The following ATG5 variants were observed in gnomAD, a reference collection of about 807,000 sequenced individuals.
ATG5 encodes the protein autophagy protein 5.
In ATG5, 14 loss-of-function variants were observed where a neutral mutation model predicts 36.5. The observed-to-expected ratio is 0.38, with a 90% CI of 0.25 to 0.60. The LOEUF is 0.60. ATG5 is among the 20% of genes least tolerant of loss of function. The pLI is 0.60. For synonymous variants in ATG5, 95 were observed against 101.5 expected (o/e 0.94, Z 0.38); for missense variants, 195 against 326.7 (o/e 0.60, Z 3.11).
chr6:106,202,461 A>C (rs1776467287), intron 6 of ATG5: 1 of 157,506 alleles, frequency 6.3e-6, no homozygotes, highest in Non-Finnish European at 1.4e-5. Context: ...ATGGCTGAAT[A>C]CTAAATTGAA....
chr6:106,294,679 C>CAA (rs202015782), intron 3 of ATG5, among the ~76,000 whole-genome samples: 25 of 124,224 alleles, frequency 2.0e-4, no homozygotes, highest in African/African-American at 4.6e-4. Flanking sequence ...CCCAAAAATA[C>CAA]AAAAAAAAAA....
At position 106,188,282 on chromosome 6, in the gene ATG5, T is replaced by C. The variant is rs963843451; in HGVS notation, c.692-1606A>G. Among the ~76,000 whole-genome samples, 6 of 152,358 alleles carry C rather than the reference T, an allele frequency of 3.9e-5. No homozygotes were observed. In the East Asian group the frequency reaches 7.7e-4, roughly 20 times the overall value. ...CTGTATTAAATCTTTCTTAGAATATTTGAAAACATTTCCGGTATAATTCTC... is the reference window on the plus strand; with the variant it reads ...CTGTATTAAATCTTTCTTAGAATATCTGAAAACATTTCCGGTATAATTCTC... On this transcript the variant is annotated intron_variant, in intron 7 of 7. Coordinates refer to ENST00000369076, the MANE Select transcript of ATG5 (RefSeq NM_004849.4).
At chr6:106,291,102 T>C (rs1159329642) in intron 4 of ATG5, among the ~76,000 whole-genome samples, 1 of 152,214 alleles carries the variant, frequency 6.6e-6, no homozygotes, top group Non-Finnish European at 1.5e-5. Context: ...TAAAAATAAG[T>C]GGCCAGTTCA....
intron 3 of ATG5, among the ~76,000 whole-genome samples, chr6:106,305,428 C>T (rs886670089): frequency 6.6e-6 from 1 of 152,018 alleles, no homozygotes; most frequent in Non-Finnish European, 1.5e-5. Flanking sequence ...TTGTCAAGGA[C>T]TTTAGTTTTT....
At chr6:106,294,758 T>C (rs1312177558) in intron 3 of ATG5, among the ~76,000 whole-genome samples, 1 of 149,726 alleles carries the variant, frequency 6.7e-6, no homozygotes, top group East Asian at 2.0e-4. Flanking sequence ...CGGGAGACTC[T>C]CTTGAGCCCG....
intron 5 of ATG5, among the ~76,000 whole-genome samples, chr6:106,252,530 T>C (rs1435510585): frequency 1.3e-5 from 2 of 152,174 alleles, no homozygotes; most frequent in African/African-American, 4.8e-5. Context: ...CCAAGTTAAT[T>C]TGTATTCTTT....
At chr6:106,315,006 A>C (rs1186124775) in intron 2 of ATG5, among the ~76,000 whole-genome samples, 1 of 152,206 alleles carries the variant, frequency 6.6e-6, no homozygotes, top group African/African-American at 2.4e-5. Flanking sequence ...GAGCCTGGGG[A>C]AACATTCATG....
chr6:106,249,578 CAT>C (rs1491511736), intron 5 of ATG5, among the ~76,000 whole-genome samples: 1 of 152,158 alleles, frequency 6.6e-6, no homozygotes, highest in African/African-American at 2.4e-5. Context: ...TTCGTGTGGA[CAT>C]ATGTTTTCAG....
At chr6:106,292,234 G>A (rs1269482348) in intron 4 of ATG5, among the ~76,000 whole-genome samples, 3 of 152,136 alleles carry the variant, frequency 2.0e-5, no homozygotes, top group African/African-American at 2.4e-5. Flanking sequence ...ATAAGAGACC[G>A]ACATGGTGGA....
intron 3 of ATG5, among the ~76,000 whole-genome samples, chr6:106,294,145 T>G (rs1254156891): frequency 6.6e-6 from 1 of 152,186 alleles, no homozygotes; most frequent in Non-Finnish European, 1.5e-5. Flanking sequence ...GGATTTGGGA[T>G]GCTCACCCTG....
At chr6:106,245,869 T>C (rs1244235485) in intron 6 of ATG5, among the ~76,000 whole-genome samples, 2 of 152,062 alleles carry the variant, frequency 1.3e-5, no homozygotes, top group Admixed American at 6.6e-5. Flanking sequence ...ATCACAACCA[T>C]ACAAACTAAT....
At chr6:106,271,249 A>G (rs1489086444) in intron 5 of ATG5, among the ~76,000 whole-genome samples, 1 of 152,236 alleles carries the variant, frequency 6.6e-6, no homozygotes, top group Non-Finnish European at 1.5e-5. Context: ...TTCTCAAAAC[A>G]TACCTATTGT....
chr6:106,309,092 A>C (rs1312882157), intron 2 of ATG5, among the ~76,000 whole-genome samples: 1 of 152,226 alleles, frequency 6.6e-6, no homozygotes, highest in Non-Finnish European at 1.5e-5. Flanking sequence ...AGAACCGACA[A>C]GTAGATAAAA....
At chr6:106,270,080 A>G (rs753834440) in intron 5 of ATG5, among the ~76,000 whole-genome samples, 1 of 152,250 alleles carries the variant, frequency 6.6e-6, no homozygotes, top group Non-Finnish European at 1.5e-5. Context: ...GCTATAGTCC[A>G]AATTATTACA....
chr6:106,188,584 G>A lies in ATG5; in HGVS notation c.692-1908C>T, dbSNP rs75439072. ...TGATGATGCACAGTGTATCTGAAAG[G>A]CAAAAGACCAACCATGTTACAAAAG... is the stretch of plus-strand genomic sequence containing the variant. On this transcript the variant is annotated intron_variant, in intron 7 of 7. Coordinates refer to ENST00000369076, the MANE Select transcript of ATG5 (RefSeq NM_004849.4). 6.5e-3 allele frequency among the ~76,000 whole-genome samples: 997 copies of A among 152,220 alleles called. 10 individuals carry two copies. The highest frequency in any genetic ancestry group is 0.022 in the African/African-American group (920 of 41,530).
intron 4 of ATG5, among the ~76,000 whole-genome samples, chr6:106,291,133 G>A (rs944670829): frequency 1.3e-5 from 2 of 152,160 alleles, no homozygotes; most frequent in Non-Finnish European, 2.9e-5. Flanking sequence ...AAAAAATTAC[G>A]CAAGTGCTTT....
At chr6:106,242,627 AAC>A (rs1778173771) in intron 6 of ATG5, among the ~76,000 whole-genome samples, 1 of 149,566 alleles carries the variant, frequency 6.7e-6, no homozygotes. Flanking sequence ...AAATAACAAC[AAC>A]AAAAAAAACA....
At chr6:106,283,322 G>A (rs1440950917) in intron 4 of ATG5, 3 of 152,150 alleles carry the variant, frequency 2.0e-5, no homozygotes, top group Non-Finnish European at 2.9e-5. Flanking sequence ...GTTGGCAAGT[G>A]TCTCATTTCT....
chr6:106,286,149 G>A (rs777310833), intron 4 of ATG5, among the ~76,000 whole-genome samples: 6 of 152,098 alleles, frequency 3.9e-5, no homozygotes, highest in African/African-American at 1.4e-4. Flanking sequence ...GAACATACAC[G>A]TACACTTTGG....
Sources: allele counts gnomAD v4.1 joint callset (sites outside exome capture counted in the v4.1 genomes callset), GRCh38; gene constraint gnomAD v4.1.1; transcripts MANE v1.5; gene names NCBI Gene and HGNC (gene_info 2026-07-23, HGNC 2026-07-21).